The following KIAA1217 variants were observed in gnomAD, a reference collection of about 807,000 sequenced individuals.
KIAA1217 encodes sickle tail protein homolog.
Under a neutral mutation model 163.9 loss-of-function variants are expected in KIAA1217, and 88 were observed. The observed-to-expected ratio is 0.54, with a 90% CI of 0.45 to 0.64. The LOEUF is 0.64. Among genes scored for constraint, KIAA1217 ranks in the 30% least tolerant of loss-of-function variants. KIAA1217 has a pLI of 0.00. For synonymous variants in KIAA1217, 903 were observed against 923.1 expected (o/e 0.98, Z 0.39); for missense variants, 2,372 against 2,475.0 (o/e 0.96, Z 0.88).
intron 2 of KIAA1217, among the ~76,000 whole-genome samples, chr10:24,061,793 C>A (rs990740315): frequency 2.0e-5 from 3 of 152,114 alleles, no homozygotes; most frequent in African/African-American, 4.8e-5. Context: ...AGTTTCTTTT[C>A]TCTTCCTGCT....
At chr10:23,966,848 T>C (rs924412196) in intron 1 of KIAA1217, among the ~76,000 whole-genome samples, 2 of 152,214 alleles carry the variant, frequency 1.3e-5, no homozygotes, top group Non-Finnish European at 2.9e-5. Flanking sequence ...TTCAAATGAA[T>C]ATTATTCAAC....
At chr10:23,896,254 A>C (rs878916175) in intron 1 of KIAA1217, among the ~76,000 whole-genome samples, 2 of 151,998 alleles carry the variant, frequency 1.3e-5, no homozygotes, top group African/African-American at 2.4e-5. Context: ...TGAGTTTTTA[A>C]TCATCCACAG....
chr10:24,027,873 G>A (rs572318358), intron 2 of KIAA1217, among the ~76,000 whole-genome samples: 6 of 152,196 alleles, frequency 3.9e-5, no homozygotes, highest in African/African-American at 1.4e-4. Context: ...TTTGCACAGT[G>A]TCTAATAGCA....
intron 1 of KIAA1217, among the ~76,000 whole-genome samples, chr10:23,762,313 CA>C (rs140364563): frequency 0.29 from 40,872 of 140,858 alleles, 6,017 homozygotes; most frequent in African/African-American, 0.4. Context: ...AGAGACACAA[CA>C]AAAAAAAAAA....
At chr10:23,723,492 A>G (rs138255668) in intron 1 of KIAA1217, among the ~76,000 whole-genome samples, 1 of 152,318 alleles carries the variant, frequency 6.6e-6, no homozygotes, top group African/African-American at 2.4e-5. Context: ...TCTAAGAAAA[A>G]AACAAGTAAG....
intron 1 of KIAA1217, among the ~76,000 whole-genome samples, chr10:23,937,240 C>A (rs1486417728): frequency 6.6e-6 from 1 of 152,056 alleles, no homozygotes; most frequent in South Asian, 2.1e-4. Context: ...AGGGACGGAG[C>A]TTTTTAGGAG....
intron 2 of KIAA1217, among the ~76,000 whole-genome samples, chr10:24,201,414 G>A (rs1411011342): frequency 2.6e-5 from 4 of 152,206 alleles, no homozygotes; most frequent in Non-Finnish European, 4.4e-5. Context: ...CCAGTTCAGA[G>A]ATTGTAAATT....
intron 2 of KIAA1217, among the ~76,000 whole-genome samples, chr10:24,317,936 T>TG (rs2043612179): frequency 6.6e-6 from 1 of 152,202 alleles, no homozygotes; most frequent in Non-Finnish European, 1.5e-5. Flanking sequence ...GCGTAGGGCA[T>TG]GGGGCCTAGA....
chr10:23,927,968 A>T (rs1360098633), intron 1 of KIAA1217, among the ~76,000 whole-genome samples: 1 of 152,226 alleles, frequency 6.6e-6, no homozygotes, highest in East Asian at 1.9e-4. Context: ...TGTGCTGTTA[A>T]ACTTTAGGCC....
chr10:23,854,592 C>A (rs1011457957), intron 1 of KIAA1217, among the ~76,000 whole-genome samples: 23 of 152,258 alleles, frequency 1.5e-4, no homozygotes, highest in African/African-American at 5.1e-4. Context: ...TCTCGTTGAT[C>A]TGTCTAATTT....
chr10:24,489,314 T>G (rs1300689561), intron 6 of KIAA1217, among the ~76,000 whole-genome samples: 11 of 152,090 alleles, frequency 7.2e-5, no homozygotes, highest in Non-Finnish European at 1.6e-4. Flanking sequence ...AGGTTAATGC[T>G]TCAGATTAGG....
rs150270635 is a variant in KIAA1217, at chr10:24,524,665, G to A, written c.2799G>A (p.Pro933=). The change falls in exon 13 of 21, where the codon CCG becomes CCA. Residue 933 remains proline, a synonymous_variant. Coordinates refer to ENST00000376454, the MANE Select transcript of KIAA1217 (RefSeq NM_019590.5). ...CCACTCTGCAGATGTCGCAGGCTCCGCAGTCCCCACAGATACCCATGAATG... is the reference window on the plus strand; with the variant it reads ...CCACTCTGCAGATGTCGCAGGCTCCACAGTCCCCACAGATACCCATGAATG... ...ATSTLQMSQA[P]QSPQIPMNGS... is the part of the protein sequence containing the mutation. 5.1e-5 allele frequency: 82 copies of A among 1,614,132 alleles called. No homozygotes were observed. Among genetic ancestry groups the A allele is most frequent in the South Asian group, 5.1e-4 (46 of 91,076 alleles).
intron 1 of KIAA1217, among the ~76,000 whole-genome samples, chr10:23,923,036 C>T (rs906111627): frequency 6.6e-6 from 1 of 152,050 alleles, no homozygotes; most frequent in African/African-American, 2.4e-5. Flanking sequence ...TTTTGGCACA[C>T]CTGTCACCCA....
At chr10:24,149,758 T>A (rs1301682089) in intron 2 of KIAA1217, among the ~76,000 whole-genome samples, 2 of 152,176 alleles carry the variant, frequency 1.3e-5, no homozygotes, top group Admixed American at 6.5e-5. Flanking sequence ...ATTTGTGATG[T>A]TCTCAACACA....
At chr10:24,135,019 G>C (rs941072663) in intron 2 of KIAA1217, among the ~76,000 whole-genome samples, 9 of 152,176 alleles carry the variant, frequency 5.9e-5, no homozygotes, top group Non-Finnish European at 7.3e-5. Flanking sequence ...GTAAGTTTGG[G>C]AGTCAAATTT....
intron 1 of KIAA1217, among the ~76,000 whole-genome samples, chr10:23,803,545 C>T (rs1469654431): frequency 6.6e-6 from 1 of 152,190 alleles, no homozygotes; most frequent in Non-Finnish European, 1.5e-5. Flanking sequence ...TCCCTTTGCC[C>T]TATCCTGCTG....
intron 1 of KIAA1217, among the ~76,000 whole-genome samples, chr10:23,727,114 A>G (rs1300205977): frequency 1.3e-5 from 2 of 150,110 alleles, no homozygotes; most frequent in African/African-American, 4.9e-5. Flanking sequence ...CAGCCTCCTG[A>G]GTAGCTGGGA....
At chr10:23,817,984 TATATATATATATATATATATATATAC>T (rs1837398367) in intron 1 of KIAA1217, among the ~76,000 whole-genome samples, 1 of 116,512 alleles carries the variant, frequency 8.6e-6, no homozygotes, top group African/African-American at 3.5e-5. Flanking sequence ...TATATATATA[TATATATATATATATATATATATATAC>T]ACACATATAT....
chr10:23,891,535 C>T (rs1332641257), intron 1 of KIAA1217, among the ~76,000 whole-genome samples: 3 of 151,894 alleles, frequency 2.0e-5, no homozygotes, highest in Non-Finnish European at 2.9e-5. Flanking sequence ...CTCAGATCAG[C>T]AGAACTGCTG....
Sources: allele counts gnomAD v4.1 joint callset (sites outside exome capture counted in the v4.1 genomes callset), GRCh38; gene constraint gnomAD v4.1.1; transcripts MANE v1.5; gene names NCBI Gene and HGNC (gene_info 2026-07-23, HGNC 2026-07-21).